Variants in PDZRN3 observed in about 807,000 individuals in gnomAD.
PDZRN3 encodes E3 ubiquitin-protein ligase PDZRN3.
Under a neutral mutation model 85.7 loss-of-function variants are expected in PDZRN3, and 38 were observed. The ratio of observed to expected loss-of-function variants is 0.44; its 90% CI spans 0.34 to 0.58. The LOEUF (loss-of-function observed/expected upper bound fraction) is 0.58, where lower values mean the gene tolerates loss of function less well. Ranked by LOEUF, PDZRN3 falls within the 20% of genes least tolerant of loss-of-function variation. PDZRN3 has a pLI of 0.01. For missense variants in PDZRN3, 1,629 were observed against 1,506.4 expected (o/e 1.08, Z -1.35); for synonymous variants, 759 against 638.0 (o/e 1.19, Z -2.86).
intron 3 of PDZRN3, among the ~76,000 whole-genome samples, chr3:73,469,209 A>C (rs1403314855): frequency 6.6e-6 from 1 of 152,074 alleles, no homozygotes; most frequent in African/African-American, 2.4e-5. Context: ...AATAGCTGGA[A>C]TTACAGGTGC....
chr3:73,619,190 C>T (rs1702813491), intron 1 of PDZRN3, among the ~76,000 whole-genome samples: 1 of 152,152 alleles, frequency 6.6e-6, no homozygotes, highest in Non-Finnish European at 1.5e-5. Context: ...AACACGAGCC[C>T]ACTTTTGGTT....
At chr3:73,562,472 G>C (rs1213055702) in intron 3 of PDZRN3, among the ~76,000 whole-genome samples, 4 of 152,010 alleles carry the variant, frequency 2.6e-5, no homozygotes, top group African/African-American at 9.7e-5. Flanking sequence ...AAACAAAAAA[G>C]TCTCCATTCC....
At chr3:73,468,858 C>T (rs1703276245) in intron 3 of PDZRN3, among the ~76,000 whole-genome samples, 2 of 152,118 alleles carry the variant, frequency 1.3e-5, no homozygotes, top group African/African-American at 4.8e-5. Context: ...CTCAGAGCCT[C>T]AGCTTCTGCA....
At chr3:73,584,816 A>G (rs1702255922) in intron 3 of PDZRN3, among the ~76,000 whole-genome samples, 2 of 152,182 alleles carry the variant, frequency 1.3e-5, no homozygotes, top group African/African-American at 4.8e-5. Context: ...TGACATAAGC[A>G]GCTAAGTATG....
intron 3 of PDZRN3, among the ~76,000 whole-genome samples, chr3:73,593,221 G>A (rs1003685390): frequency 9.2e-5 from 14 of 152,060 alleles, no homozygotes; most frequent in Non-Finnish European, 2.1e-4. Flanking sequence ...AGAATTTGTT[G>A]TTTTGTTTTA....
chr3:73,475,467 C>G (rs545076925), intron 3 of PDZRN3, among the ~76,000 whole-genome samples: 1 of 152,336 alleles, frequency 6.6e-6, no homozygotes, highest in Admixed American at 6.5e-5. Context: ...CCCCCCAACT[C>G]TGAACCCATT....
At chr3:73,419,750 T>C (rs1237405633) in intron 3 of PDZRN3, among the ~76,000 whole-genome samples, 1 of 152,258 alleles carries the variant, frequency 6.6e-6, no homozygotes, top group African/African-American at 2.4e-5. Flanking sequence ...AGGACATTTC[T>C]GGCCATATAC....
rs1429244382 is a variant in PDZRN3 at position 73,402,960 on chromosome 3, T to TTTTTTTTTTTTG, written c.1166+1187_1166+1188insCAAAAAAAAAAA. Among the ~76,000 whole-genome samples the TTTTTTTTTTTTG allele has an allele frequency of 9.7e-3, 960 of 98,814 alleles. 48 individuals carry two copies. Among genetic ancestry groups the TTTTTTTTTTTTG allele is most frequent in the African/African-American group, 0.033 (898 of 27,072 alleles). 64.8% of individuals were successfully genotyped at this position (98,814 alleles called of 152,430 possible). On this transcript the variant is annotated intron_variant, in intron 4 of 9. Coordinates refer to ENST00000263666, the MANE Select transcript of PDZRN3 (RefSeq NM_015009.3). ...GAAAAGCTTTTTTTTTTTTTTTTTT[T>TTTTTTTTTTTTG]TGAGACGGAGTCTCGCTCTGTTGCC... is the stretch of plus-strand genomic sequence containing the variant.
At chr3:73,411,808 T>C (rs1701976745) in intron 3 of PDZRN3, among the ~76,000 whole-genome samples, 3 of 152,196 alleles carry the variant, frequency 2.0e-5, no homozygotes, top group African/African-American at 7.2e-5. Context: ...TATATATGAG[T>C]GTCCGGAATA....
At chr3:73,450,884 C>T (rs921448982) in intron 3 of PDZRN3, among the ~76,000 whole-genome samples, 17 of 152,118 alleles carry the variant, frequency 1.1e-4, no homozygotes, top group South Asian at 4.2e-4. Context: ...AAAGTTCTTC[C>T]GCTGATAATT....
At chr3:73,389,197 G>C (rs1387109962) in intron 7 of PDZRN3, among the ~76,000 whole-genome samples, 1 of 152,078 alleles carries the variant, frequency 6.6e-6, no homozygotes, top group Non-Finnish European at 1.5e-5. Context: ...ACACAATGAA[G>C]CCAAGAATTT....
At chr3:73,450,927 C>CT (rs978037725) in intron 3 of PDZRN3, among the ~76,000 whole-genome samples, 5 of 151,394 alleles carry the variant, frequency 3.3e-5, no homozygotes, top group Admixed American at 1.3e-4. Flanking sequence ...TTCTCATGCT[C>CT]TTTAAAAAAA....
At chr3:73,536,322 C>A (rs1704784608) in intron 3 of PDZRN3, among the ~76,000 whole-genome samples, 1 of 152,238 alleles carries the variant, frequency 6.6e-6, no homozygotes, top group East Asian at 1.9e-4. Context: ...TTGTAGCCTG[C>A]CTGCAAGAGG....
chr3:73,471,251 C>T lies in PDZRN3; in HGVS notation c.919-66856G>A, dbSNP rs1458915008. Among the ~76,000 whole-genome samples, 3 of 152,010 alleles carry T rather than the reference C, an allele frequency of 2.0e-5. No individual in the cohort carries two copies. The South Asian group carries it at 6.2e-4, about 32-fold the overall frequency. On this transcript the variant is annotated intron_variant, in intron 3 of 9. Coordinates refer to ENST00000263666, the MANE Select transcript of PDZRN3 (RefSeq NM_015009.3). ...GGTGCATCTTCCAGCCCAGGAACGC[C>T]AAAGCTTGCCGGCAAACCATCCAGC...
chr3:73,577,093 C>G (rs1475078196), intron 3 of PDZRN3, among the ~76,000 whole-genome samples: 1 of 152,174 alleles, frequency 6.6e-6, no homozygotes, highest in Non-Finnish European at 1.5e-5. Flanking sequence ...ATGAATCATT[C>G]TATAAGAGGT....
intron 3 of PDZRN3, among the ~76,000 whole-genome samples, chr3:73,544,481 C>T (rs1225396156): frequency 6.6e-6 from 1 of 151,828 alleles, no homozygotes; most frequent in Non-Finnish European, 1.5e-5. Context: ...TTAAGGTATG[C>T]TAGTTGATAT....
At chr3:73,394,336 A>T (rs1351020614) in intron 5 of PDZRN3, among the ~76,000 whole-genome samples, 2 of 152,200 alleles carry the variant, frequency 1.3e-5, no homozygotes, top group African/African-American at 2.4e-5. Flanking sequence ...ATACTCCCTC[A>T]CAATAGCAGA....
intron 3 of PDZRN3, among the ~76,000 whole-genome samples, chr3:73,529,476 A>G (rs1406339743): frequency 6.6e-6 from 1 of 152,202 alleles, no homozygotes; most frequent in East Asian, 1.9e-4. Context: ...TGCTACAGTG[A>G]GAACGTTTGC....
intron 3 of PDZRN3, among the ~76,000 whole-genome samples, chr3:73,461,428 A>G (rs1366624194): frequency 6.6e-6 from 1 of 152,220 alleles, no homozygotes; most frequent in Non-Finnish European, 1.5e-5. Flanking sequence ...CTCCCATTTA[A>G]TTAAATAAAC....
Sources: gnomAD v4.1 joint callset for allele counts (sites outside exome capture counted in the v4.1 genomes callset) on GRCh38, gnomAD v4.1.1 for gene constraint, MANE v1.5 for transcripts, NCBI Gene and HGNC (gene_info 2026-07-23, HGNC 2026-07-21) for gene names.